GRIN2D: variants seen among roughly 807,000 people sequenced by gnomAD.
GRIN2D encodes the protein glutamate receptor ionotropic, NMDA 2D.
In GRIN2D, 37 loss-of-function variants were observed where a neutral mutation model predicts 103.2. That is an observed-to-expected ratio of 0.36 (90% CI 0.28 to 0.47). The LOEUF is 0.47. Ranked by LOEUF, GRIN2D falls within the 20% of genes least tolerant of loss-of-function variation. The probability of loss-of-function intolerance (pLI) is 1.00; values close to 1 mark genes in which losing one functional copy is unlikely to be tolerated. For synonymous variants in GRIN2D, 845 were observed against 885.6 expected, an observed-to-expected ratio of 0.95 and a Z score of 0.81; for missense variants, 1,557 against 1,910.6, an observed-to-expected ratio of 0.81 and a Z score of 3.45.
rs201028602 is a variant in GRIN2D at position 48,404,983 on chromosome 19, G to A, written c.715G>A (p.Val239Ile). Residue 239 changes from valine (V) to isoleucine (I), a missense_variant, in exon 4 of 14, where the codon GTC (valine) becomes ATC (isoleucine). Physicochemically the swap from Val to Ile is conservative, Grantham distance 29 (BLOSUM62 3). Transcript: ENST00000263269. ...CGTGCTCAGTGCCCAGCTCCGCAGT[G>A]TCAGCGCGCAGATCCGCCTGCTCTT... ...EAVLSAQLRS[V>I]SAQIRLLFCA... The A allele has an allele frequency of 5.0e-6, 8 of 1,612,368 alleles. No individual in the cohort carries two copies. The highest frequency in any genetic ancestry group is 5.9e-6 in the Non-Finnish European group (7 of 1,179,606).
chr19:48,396,386 C>T (rs1251022653), intron 2 of GRIN2D, among the ~76,000 whole-genome samples: 1 of 151,986 alleles, frequency 6.6e-6, no homozygotes, highest in Non-Finnish European at 1.5e-5. Context: ...CCCTCCTGGG[C>T]CTCAGTAGGG....
chr19:48,398,226 C>A, intron 2 of GRIN2D, 141 bp from the exon 3 acceptor site: 1 of 205,302 alleles, frequency 4.9e-6, no homozygotes, highest in Non-Finnish European at 9.3e-6. Context: ...ATCACCCCGA[C>A]CGCTCCCTGT....
rs904560994 is a variant in GRIN2D, at chr19:48,443,876, G to T, written c.3950G>T (p.Gly1317Val). The T allele has an allele frequency of 6.8e-6, 10 of 1,477,672 alleles. No individual in the cohort carries two copies. Among genetic ancestry groups the T allele is most frequent in the Non-Finnish European group, 8.9e-6 (10 of 1,121,918 alleles). The allele number at this position is 1,477,672 out of a possible 1,614,324, so 91.5% of individuals were successfully genotyped here. A position where few individuals can be genotyped will look rare whatever the true frequency, so the allele number is the denominator to read the frequency against. Residue 1317 changes from glycine to valine, a missense_variant, in exon 14 of 14, where the codon GGC becomes GTC. Gly to Val is a moderately radical substitution (Grantham distance 109). Coordinates refer to ENST00000263269, the MANE Select transcript of GRIN2D (RefSeq NM_000836.4). The surrounding 1 kb of genome is among the most constrained non-coding windows in gnomAD (Gnocchi z 8.9). ...LPTASHRRHR[G>V]GDLGTRRGSA... ...ACAGCTTCCCACCGGAGACACCGGGGCGGGGACCTGGGCACCCGCAGGGGC... is the reference window on the plus strand; with the variant it reads ...ACAGCTTCCCACCGGAGACACCGGGTCGGGGACCTGGGCACCCGCAGGGGC...
chr19:48,430,206 C>T (rs1050039676), intron 11 of GRIN2D, among the ~76,000 whole-genome samples: 2 of 151,968 alleles, frequency 1.3e-5, no homozygotes, highest in African/African-American at 2.4e-5. Context: ...GTTTTTCTTT[C>T]TTTTTTTTCT....
chr19:48,407,907 AGGCCGGGCTGT>A (rs370163965), intron 4 of GRIN2D, among the ~76,000 whole-genome samples: 1 of 152,284 alleles, frequency 6.6e-6, no homozygotes, highest in African/African-American at 2.4e-5. Context: ...AAACATGGAT[AGGCCGGGCTGT>A]GGCTCATGCC....
chr19:48,443,329 G>A lies in GRIN2D; in HGVS notation c.3403G>A (p.Ala1135Thr). The change falls in exon 14 of 14, where the codon GCC (alanine) becomes ACC (threonine). Residue 1135 changes from alanine (A) to threonine (T), a missense_variant. Ala to Thr is a moderately conservative substitution (Grantham distance 58). Coordinates refer to ENST00000263269, the MANE Select transcript of GRIN2D (RefSeq NM_000836.4). This position sits in a 1 kb window ranked among gnomAD's most constrained non-coding sequence, Gnocchi z 8.9. The stretch of plus-strand genomic sequence containing the variant: ...GGGCGGCCTGGAGCCCTGGTGGTTC[G>A]CCGACTTCCCTTACCCGTATGCCGA... ...SLGGLEPWWF[A>T]DFPYPYAERL... 2 of 1,540,450 alleles carry A rather than the reference G, an allele frequency of 1.3e-6. No homozygotes were observed. The highest frequency in any genetic ancestry group is 2.6e-5 in the East Asian group (1 of 37,932).
intron 3 of GRIN2D, among the ~76,000 whole-genome samples, chr19:48,402,429 T>C (rs1970727587): frequency 6.6e-6 from 1 of 151,794 alleles, no homozygotes; most frequent in Non-Finnish European, 1.5e-5. Context: ...TAAGATTCTT[T>C]ACTCCTGGCC....
intron 2 of GRIN2D, among the ~76,000 whole-genome samples, chr19:48,397,905 T>C (rs1970661847): frequency 6.6e-6 from 1 of 151,274 alleles, no homozygotes; most frequent in Admixed American, 6.6e-5. Flanking sequence ...CGTCTTTGCG[T>C]CTCCCCCAAT....
intron 4 of GRIN2D, among the ~76,000 whole-genome samples, chr19:48,409,274 CTTTTT>C (rs67673123): frequency 2.8e-4 from 29 of 103,710 alleles, no homozygotes; most frequent in African/African-American, 1.2e-3. Flanking sequence ...AATTAAATTT[CTTTTT>C]TTTTTTTTTT....
At chr19:48,425,654 G>A (rs578221415) in intron 11 of GRIN2D, among the ~76,000 whole-genome samples, 17 of 152,168 alleles carry the variant, frequency 1.1e-4, no homozygotes, top group East Asian at 1.9e-4. Flanking sequence ...ATCTGTCCCC[G>A]CCTTGAGTTC....
In GRIN2D at chr19:48,442,804, G is replaced by A. The variant is rs1407679658; in HGVS notation, c.2878G>A (p.Gly960Ser). 2.8e-6 allele frequency: 3 copies of A among 1,070,592 alleles called. No homozygotes were observed. The highest frequency in any genetic ancestry group is 6.9e-5 in the East Asian group (1 of 14,532). The allele number at this position is 1,070,592 out of a possible 1,614,324, so 66.3% of individuals were successfully genotyped here. ...GCCGGGGGGCGCGGGCCTGGCCGAC[G>A]GCTTCCACCGCTACTACGGCCCCAT... The part of the protein sequence containing the change: ...GPPGGAGLAD[G>S]FHRYYGPIEP... Residue 960 changes from glycine (G) to serine (S), a missense_variant, in exon 14 of 14, where the codon GGC (glycine) becomes AGC (serine). Gly to Ser is a moderately conservative substitution (Grantham distance 56). Around this residue, in one of 7 missense-constraint regions of GRIN2D, gnomAD observed 632 missense variants for 572.8 expected, o/e 1.10. Coordinates refer to ENST00000263269, the MANE Select transcript of GRIN2D (RefSeq NM_000836.4). The surrounding 1 kb of genome is among the most constrained non-coding windows in gnomAD (Gnocchi z 7.2).
chr19:48,415,149 T>C (rs1008883455), intron 7 of GRIN2D, 117 bp downstream of exon 7: 1 of 937,942 alleles, frequency 1.1e-6, no homozygotes, highest in African/African-American at 1.7e-5. Context: ...GGCGGGCGAA[T>C]TGCCTGAGCT....
Position 48,442,062 on chromosome 19 carries a change from A to G in GRIN2D, c.2441-88A>G, listed in dbSNP as rs1296989190. 2.0e-6 allele frequency: 3 copies of G among 1,502,948 alleles called. No individual in the cohort carries two copies. The highest frequency in any genetic ancestry group is 4.5e-5 in the East Asian group (2 of 44,044). The allele number at this position is 1,502,948 out of a possible 1,614,324, so 93.1% of individuals were successfully genotyped here. A position where few individuals can be genotyped will look rare whatever the true frequency, so the allele number is the denominator to read the frequency against. On this transcript the variant is annotated intron_variant, in intron 12 of 13. Transcript: ENST00000263269. The surrounding 1 kb of genome is among the most constrained non-coding windows in gnomAD (Gnocchi z 7.2). ...CCCGGACACCAGGGTCTGAGGGAGG[A>G]AGGGGCTAAGGGCCTACATTCCCAC...
chr19:48,402,723 CAAAAAA>C (rs773669453), intron 3 of GRIN2D, among the ~76,000 whole-genome samples: 903 of 43,140 alleles, frequency 0.021, 6 homozygotes, highest in African/African-American at 0.07. Context: ...GACTCCGTCT[CAAAAAA>C]AAAAAAAAAA....
At position 48,442,453 on chromosome 19, in the gene GRIN2D, A is replaced by C. The variant is rs563015991; in HGVS notation, c.2673+71A>C. On this transcript the variant is annotated intron_variant, in intron 13 of 13. Coordinates refer to ENST00000263269, the MANE Select transcript of GRIN2D (RefSeq NM_000836.4). This position sits in a 1 kb window ranked among gnomAD's most constrained non-coding sequence, Gnocchi z 7.2. The stretch of plus-strand genomic sequence containing the variant: ...GGGACAAAGGTAAAGCCGAGCAGAG[A>C]CAAGGAGATGTGGGTCGAGATGTGG... 1,454 of 1,553,222 alleles carry C rather than the reference A, an allele frequency of 9.4e-4. 4 individuals carry two copies. Among genetic ancestry groups the C allele is most frequent in the Non-Finnish European group, 1.1e-3 (1,290 of 1,143,758 alleles).
In GRIN2D at chr19:48,407,153, G is replaced by T. The variant is rs147268735; in HGVS notation, c.1085+1800G>T. ...CCACCATGCCCGGCTAATTTTTTTTGTATTTTTAGTAGAGATGCCATGTTG... is the reference window on the plus strand; with the variant it reads ...CCACCATGCCCGGCTAATTTTTTTTTTATTTTTAGTAGAGATGCCATGTTG... On this transcript the variant is annotated intron_variant, in intron 4 of 13. Transcript: ENST00000263269. Among the ~76,000 whole-genome samples the T allele has an allele frequency of 3.9e-3, 586 of 151,058 alleles. 7 individuals are homozygous for T. The highest frequency in any genetic ancestry group is 0.013 in the African/African-American group (554 of 41,104).
At position 48,422,481 on chromosome 19, in the gene GRIN2D, C is replaced by A. The variant is rs996562697; in HGVS notation, c.2252+536C>A. ...CAAAAATTAGCTGGGCGTGGTGGCA[C>A]GCGCCTGTAGTCCCAGATACTTGGG... On this transcript the variant is annotated intron_variant, in intron 11 of 13. Transcript: ENST00000263269. Among the ~76,000 whole-genome samples the A allele has an allele frequency of 2.0e-5, 3 of 151,702 alleles. No homozygotes were observed. The East Asian group carries it at 5.8e-4, about 30-fold the overall frequency.
At chr19:48,411,708 G>T (rs1199329254) in intron 4 of GRIN2D, among the ~76,000 whole-genome samples, 1 of 151,762 alleles carries the variant, frequency 6.6e-6, no homozygotes, top group African/African-American at 2.4e-5. Flanking sequence ...GTGGTATAAG[G>T]TTTTTCAGGC....
rs771893928 is a variant in GRIN2D, at chr19:48,419,314, T to C, written c.1816T>C (p.Tyr606His). Reference sequence around the variant, plus strand: ...CGCCGTCACTGTTTTCATCTTCGAGTACCTCAGTCCTGTTGGTTACAACCG... The same window carrying C: ...CGCCGTCACTGTTTTCATCTTCGAGCACCTCAGTCCTGTTGGTTACAACCG... Reference protein sequence around the residue: ...VVAVTVFIFEYLSPVGYNRSL... With the variant: ...VVAVTVFIFEHLSPVGYNRSL... Residue 606 changes from tyrosine to histidine, a missense_variant, in exon 9 of 14, where the codon TAC becomes CAC. Tyr to His is a moderately conservative substitution (Grantham distance 83, BLOSUM62 2). This residue lies in a region of GRIN2D where 197 missense variants were observed against 334.1 expected (regional missense o/e 0.59). Transcript: ENST00000263269. The C allele has an allele frequency of 3.1e-6, 5 of 1,610,040 alleles. No individual in the cohort carries two copies. Among genetic ancestry groups the C allele is most frequent in the Admixed American group, 1.7e-5 (1 of 59,524 alleles).
Sources: gnomAD v4.1 joint callset for allele counts (sites outside exome capture counted in the v4.1 genomes callset) on GRCh38, gnomAD v4.1.1 for gene constraint, gnomAD v4.1.1 regional missense constraint, Gnocchi (gnomAD v3.1) non-coding constraint, MANE v1.5 for transcripts, NCBI Gene and HGNC (gene_info 2026-07-23, HGNC 2026-07-21) for gene names.